ARL3: variants seen among roughly 807,000 people sequenced by gnomAD.
ARL3 encodes ARF like GTPase 3, also known as ADP-ribosylation factor-like protein 3.
Under a neutral mutation model 26.0 loss-of-function variants are expected in ARL3, and 9 were observed. That is an observed-to-expected ratio of 0.35 (90% CI 0.21 to 0.60). The LOEUF (loss-of-function observed/expected upper bound fraction) is 0.60, where lower values mean the gene tolerates loss of function less well. Ranked by LOEUF, ARL3 falls within the 20% of genes least tolerant of loss-of-function variation. ARL3 has a pLI of 0.78. For synonymous variants in ARL3, 71 were observed against 78.4 expected, an observed-to-expected ratio of 0.91 and a Z score of 0.50; for missense variants, 158 against 215.7, an observed-to-expected ratio of 0.73 and a Z score of 1.67.
chr10:102,688,280 A>T lies in ARL3; in HGVS notation c.315+1613T>A, dbSNP rs145474626. ...TGTATGGATCAAGAGGCAGATGACT[A>T]CATAGGACCCCCTCCACCTCCAAGC... On this transcript the variant is annotated intron_variant, in intron 4 of 5. Coordinates refer to ENST00000260746, the MANE Select transcript of ARL3 (RefSeq NM_004311.4). Among the ~76,000 whole-genome samples the T allele has an allele frequency of 4.5e-3, 693 of 152,318 alleles. 4 individuals carry two copies. Among genetic ancestry groups the T allele is most frequent in the African/African-American group, 0.016 (649 of 41,564 alleles).
intron 1 of ARL3, among the ~76,000 whole-genome samples, chr10:102,705,850 A>G (rs2064308260): frequency 6.6e-6 from 1 of 151,968 alleles, no homozygotes; most frequent in Admixed American, 6.6e-5. Flanking sequence ...TGATGTTTGT[A>G]TTTTTCTCCT....
intron 3 of ARL3, among the ~76,000 whole-genome samples, chr10:102,699,134 T>A (rs545596795): frequency 6.6e-6 from 1 of 152,330 alleles, no homozygotes; most frequent in East Asian, 1.9e-4. Flanking sequence ...TAATAACACT[T>A]TATTTTGCCA....
chr10:102,686,964 C>T (rs576008289), intron 4 of ARL3, among the ~76,000 whole-genome samples: 1 of 149,052 alleles, frequency 6.7e-6, no homozygotes, highest in African/African-American at 2.5e-5. Context: ...CAACCTCCGC[C>T]TCCCGGGTTC....
chr10:102,713,083 TTG>T (rs146129739), intron 1 of ARL3, among the ~76,000 whole-genome samples: 36,269 of 78,588 alleles, frequency 0.46, 4,403 homozygotes, highest in East Asian at 0.56. Flanking sequence ...TCTAGTTTTT[TTG>T]TTTTTTTTTT....
At chr10:102,699,609 G>C (rs1266719211) in intron 2 of ARL3, 120 bp from the exon 3 acceptor site, 1 of 603,852 alleles carries the variant, frequency 1.7e-6, no homozygotes, top group Non-Finnish European at 2.9e-6. Flanking sequence ...TGTGATACTG[G>C]TAATGCTGAA....
At chr10:102,713,232 A>C (rs910015026) in intron 1 of ARL3, among the ~76,000 whole-genome samples, 3 of 152,280 alleles carry the variant, frequency 2.0e-5, no homozygotes, top group Non-Finnish European at 2.9e-5. Context: ...GTTCAAAATC[A>C]ATTTTTCTTT....
chr10:102,705,617 T>C (rs12761195), intron 1 of ARL3, 128 bp from the exon 2 acceptor site: 304,836 of 979,718 alleles, frequency 0.31, 49,396 homozygotes, highest in African/African-American at 0.38. Context: ...TTTTTCATTC[T>C]AATGCCACTT....
At position 102,686,027 on chromosome 10, in the gene ARL3, G is replaced by A. The variant is rs1266936078; in HGVS notation, c.316-26C>T. On this transcript the variant is annotated intron_variant, in intron 4 of 5. Coordinates refer to ENST00000260746, the MANE Select transcript of ARL3 (RefSeq NM_004311.4). ...CTGGATTTTGAGAAGGGAGAGGGAGGGAAGGTTAAAATCTATACATCTATG... is the reference window on the plus strand; with the variant it reads ...CTGGATTTTGAGAAGGGAGAGGGAGAGAAGGTTAAAATCTATACATCTATG... The A allele has an allele frequency of 2.5e-6, 4 of 1,593,690 alleles. No individual in the cohort carries two copies. In the East Asian group the frequency reaches 6.7e-5, roughly 27 times the overall value.
intron 2 of ARL3, among the ~76,000 whole-genome samples, chr10:102,703,118 C>CTTTTTTTTTTT (rs1023724116): frequency 4.9e-5 from 5 of 101,164 alleles, no homozygotes; most frequent in Non-Finnish European, 5.7e-5. Context: ...CAGGTCTTGT[C>CTTTTTTTTTTT]TTTTTTTTTT....
intron 5 of ARL3, among the ~76,000 whole-genome samples, chr10:102,680,413 C>T (rs537549464): frequency 6.6e-6 from 1 of 152,280 alleles, no homozygotes; most frequent in East Asian, 1.9e-4. Context: ...AATTCAATAA[C>T]AGAGACTAAA....
At chr10:102,708,745 A>C (rs1359005887) in intron 1 of ARL3, among the ~76,000 whole-genome samples, 1 of 151,766 alleles carries the variant, frequency 6.6e-6, no homozygotes, top group Admixed American at 6.6e-5. Flanking sequence ...AATCCCAGCT[A>C]CTTGGGAAGC....
In ARL3 at chr10:102,713,746, C is replaced by G. The variant is rs554979242; in HGVS notation, c.3+527G>C. On this transcript the variant is annotated intron_variant, in intron 1 of 5. Transcript: ENST00000260746. ...CCTTTGTGTCGTGGGACTTACTTCC[C>G]TACCCCCCAGGGGCCCGCACAGCGC... Among the ~76,000 whole-genome samples the G allele has an allele frequency of 5.3e-5, 8 of 152,316 alleles. No homozygotes were observed. In the East Asian group the frequency reaches 1.4e-3, roughly 26 times the overall value.
intron 2 of ARL3, among the ~76,000 whole-genome samples, chr10:102,703,968 C>T (rs12775650): frequency 1.1e-4 from 17 of 150,770 alleles, no homozygotes; most frequent in Middle Eastern, 3.2e-3. Context: ...TGGGCAACAA[C>T]GGTGAAACCC....
At chr10:102,709,643 T>A (rs2064327646) in intron 1 of ARL3, among the ~76,000 whole-genome samples, 1 of 33,092 alleles carries the variant, frequency 3.0e-5, no homozygotes, top group Non-Finnish European at 6.1e-5. Flanking sequence ...CAAGACTCTG[T>A]CTCAAAAAAA....
chr10:102,686,524 C>T (rs533049711), intron 4 of ARL3, among the ~76,000 whole-genome samples: 3 of 145,728 alleles, frequency 2.1e-5, no homozygotes, highest in Non-Finnish European at 3.0e-5. Context: ...AGTGCAGTGG[C>T]GCAATCCCGG....
chr10:102,703,940 A>G (rs1326911640), intron 2 of ARL3, among the ~76,000 whole-genome samples: 1 of 151,546 alleles, frequency 6.6e-6, no homozygotes, highest in East Asian at 2.0e-4. Context: ...GCCTGAGCTC[A>G]GGAGTTCGAG....
chr10:102,712,977 GACAATGTAA>G (rs2064353286), intron 1 of ARL3, among the ~76,000 whole-genome samples: 2 of 150,536 alleles, frequency 1.3e-5, no homozygotes, highest in Non-Finnish European at 2.9e-5. Context: ...TTAACAATCT[GACAATGTAA>G]AATCAATTGA....
intron 5 of ARL3, among the ~76,000 whole-genome samples, chr10:102,678,968 G>A (rs1052554590): frequency 6.6e-6 from 1 of 152,256 alleles, no homozygotes; most frequent in Non-Finnish European, 1.5e-5. Flanking sequence ...CCTGCCAGCT[G>A]ACCCCCGGCC....
intron 1 of ARL3, among the ~76,000 whole-genome samples, chr10:102,714,041 C>T (rs1038355186): frequency 1.2e-4 from 18 of 152,234 alleles, no homozygotes; most frequent in Non-Finnish European, 2.9e-5. Flanking sequence ...CAGCCCCTTC[C>T]CCAAGCCTCG....
Sources: allele counts gnomAD v4.1 joint callset (sites outside exome capture counted in the v4.1 genomes callset), GRCh38; gene constraint gnomAD v4.1.1; transcripts MANE v1.5; gene names NCBI Gene and HGNC (gene_info 2026-07-23, HGNC 2026-07-21).